EYA4: variants seen among roughly 807,000 people sequenced by gnomAD.
EYA4 encodes the protein EYA transcriptional coactivator and phosphatase 4.
In EYA4, 31 loss-of-function variants were observed where a neutral mutation model predicts 87.9. The ratio of observed to expected loss-of-function variants is 0.35; its 90% CI spans 0.27 to 0.48. The LOEUF (loss-of-function observed/expected upper bound fraction) is 0.48, where lower values mean the gene tolerates loss of function less well. EYA4 is among the 20% of genes least tolerant of loss of function. The pLI, the probability that EYA4 is intolerant of heterozygous loss-of-function variation, is 0.99. For missense variants in EYA4, 678 were observed against 761.4 expected (o/e 0.89, Z 1.29); for synonymous variants, 263 against 270.6 (o/e 0.97, Z 0.28).
intron 4 of EYA4, 99 bp downstream of exon 4, chr6:133,446,853 A>G (rs1792895286): frequency 2.7e-6 from 3 of 1,127,672 alleles, no homozygotes; most frequent in Non-Finnish European, 2.6e-6. Flanking sequence ...CTTATTATCA[A>G]TAACACAAAT....
Position 133,477,319 on chromosome 6 carries a change from T to C in EYA4, c.971-4144T>C, listed in dbSNP as rs77193716. 9.3e-4 allele frequency among the ~76,000 whole-genome samples: 142 copies of C among 152,278 alleles called. 1 individual carries two copies. The East Asian group carries it at 0.022, about 23-fold the overall frequency. ...TTAGATAATACCATTTTAACAGGTG[T>C]GAGGTGGTATCTCATTGTAGTTTTA... On this transcript the variant is annotated intron_variant, in intron 11 of 19. Coordinates refer to ENST00000355286, the MANE Select transcript of EYA4 (RefSeq NM_004100.5).
At chr6:133,344,152 GGATAAATGCAAGGCAC>G (rs1396203139) in intron 2 of EYA4, among the ~76,000 whole-genome samples, 1 of 152,142 alleles carries the variant, frequency 6.6e-6, no homozygotes, top group African/African-American at 2.4e-5. Context: ...TTTAAACACT[GGATAAATGCAAGGCAC>G]GGTTATATGC....
chr6:133,410,667 T>G (rs1199932167), intron 3 of EYA4, among the ~76,000 whole-genome samples: 1 of 150,434 alleles, frequency 6.6e-6, no homozygotes, highest in Non-Finnish European at 1.5e-5. Context: ...TTTCCCCGTT[T>G]GCATTGAAGG....
chr6:133,403,760 A>G (rs901675793), intron 3 of EYA4, among the ~76,000 whole-genome samples: 2 of 152,088 alleles, frequency 1.3e-5, no homozygotes, highest in Admixed American at 6.6e-5. Flanking sequence ...TACAAGTCAT[A>G]TTTCTGAACT....
intron 2 of EYA4, among the ~76,000 whole-genome samples, chr6:133,282,574 A>G (rs1291258176): frequency 1.5e-5 from 2 of 134,896 alleles, no homozygotes; most frequent in Non-Finnish European, 3.1e-5. Flanking sequence ...AATATATATG[A>G]CACATATGTG....
intron 1 of EYA4, among the ~76,000 whole-genome samples, chr6:133,253,278 C>T (rs1281770584): frequency 6.6e-6 from 1 of 151,878 alleles, no homozygotes; most frequent in Non-Finnish European, 1.5e-5. Context: ...GACAGGAAGT[C>T]CAAAGAAGGC....
intron 3 of EYA4, among the ~76,000 whole-genome samples, chr6:133,440,232 A>G (rs1194879009): frequency 2.2e-5 from 3 of 137,460 alleles, no homozygotes; most frequent in African/African-American, 7.8e-5. Context: ...CTATATAAAA[A>G]TGTACATAAT....
intron 6 of EYA4, among the ~76,000 whole-genome samples, chr6:133,460,815 C>G (rs12211899): frequency 6.6e-6 from 1 of 151,722 alleles, no homozygotes; most frequent in Non-Finnish European, 1.5e-5. Flanking sequence ...CTTAATTACC[C>G]TATAATCAAA....
chr6:133,411,745 G>A (rs966892680), intron 3 of EYA4, among the ~76,000 whole-genome samples: 2 of 152,080 alleles, frequency 1.3e-5, no homozygotes, highest in African/African-American at 2.4e-5. Context: ...CTTATTTGGG[G>A]ATATTTCTGT....
chr6:133,277,967 A>G (rs1483805186), intron 2 of EYA4, among the ~76,000 whole-genome samples: 1 of 152,212 alleles, frequency 6.6e-6, no homozygotes, highest in Non-Finnish European at 1.5e-5. Flanking sequence ...AGTTGCTTCT[A>G]GAGTTGTCTT....
At chr6:133,461,552 T>A (rs1794386003) in intron 7 of EYA4, among the ~76,000 whole-genome samples, 1 of 152,200 alleles carries the variant, frequency 6.6e-6, no homozygotes, top group Admixed American at 6.6e-5. Context: ...CTTATTGTTT[T>A]TATAACTAAT....
intron 13 of EYA4, among the ~76,000 whole-genome samples, chr6:133,503,518 TCA>T (rs1429263169): frequency 6.6e-6 from 1 of 152,200 alleles, no homozygotes; most frequent in Non-Finnish European, 1.5e-5. Flanking sequence ...AGTGTGGAGC[TCA>T]GTTTTATTGT....
intron 3 of EYA4, among the ~76,000 whole-genome samples, chr6:133,388,187 A>T (rs1786923029): frequency 6.6e-6 from 1 of 151,930 alleles, no homozygotes; most frequent in Non-Finnish European, 1.5e-5. Flanking sequence ...CGGGTGGATC[A>T]TCTGAGGTTG....
At chr6:133,479,796 T>A (rs1362018891) in intron 11 of EYA4, among the ~76,000 whole-genome samples, 1 of 152,198 alleles carries the variant, frequency 6.6e-6, no homozygotes, top group Non-Finnish European at 1.5e-5. Flanking sequence ...ATGCTTGTAC[T>A]CATATAGTAA....
chr6:133,459,261 T>G (rs1162533624), intron 6 of EYA4, among the ~76,000 whole-genome samples: 3 of 152,124 alleles, frequency 2.0e-5, no homozygotes, highest in African/African-American at 7.2e-5. Context: ...TTTGTAAAGG[T>G]TAGTTGAGGC....
At chr6:133,436,173 C>T (rs928270177) in intron 3 of EYA4, among the ~76,000 whole-genome samples, 7 of 151,610 alleles carry the variant, frequency 4.6e-5, no homozygotes, top group Non-Finnish European at 7.4e-5. Context: ...GAGCCAAGAT[C>T]GTGCCGTTGC....
rs184853945 is a variant in EYA4 at position 133,276,620 on chromosome 6, C to T, written c.33+1807C>T. On this transcript the variant is annotated intron_variant, in intron 2 of 19. Transcript: ENST00000355286. ...GTTTCCAGTGATGCTAGTGAGCAGTCAGGTTTGAGAACAAGAAATCTAGGG... is the reference window on the plus strand; with the variant it reads ...GTTTCCAGTGATGCTAGTGAGCAGTTAGGTTTGAGAACAAGAAATCTAGGG... Among the ~76,000 whole-genome samples, 65 of 152,208 alleles carry T rather than the reference C, an allele frequency of 4.3e-4. 1 individual carries two copies. In the East Asian group the frequency reaches 6.6e-3, roughly 15 times the overall value.
intron 17 of EYA4, among the ~76,000 whole-genome samples, chr6:133,520,141 TAGGC>T (rs1799981282): frequency 6.6e-6 from 1 of 151,962 alleles, no homozygotes; most frequent in African/African-American, 2.4e-5. Flanking sequence ...CCAGGGCAAT[TAGGC>T]AGGAGAAAGA....
intron 2 of EYA4, among the ~76,000 whole-genome samples, chr6:133,282,009 C>T (rs1368689625): frequency 6.6e-6 from 1 of 152,018 alleles, no homozygotes; most frequent in Non-Finnish European, 1.5e-5. Context: ...TTTCTTTATC[C>T]ATTCCATTGT....
Sources: allele counts gnomAD v4.1 joint callset (sites outside exome capture counted in the v4.1 genomes callset), GRCh38; gene constraint gnomAD v4.1.1; transcripts MANE v1.5; gene names NCBI Gene and HGNC (gene_info 2026-07-23, HGNC 2026-07-21).